The following ST8SIA5 variants were observed in gnomAD, a reference collection of about 807,000 sequenced individuals.
ST8SIA5 encodes the protein ST8 alpha-N-acetyl-neuraminide alpha-2,8-sialyltransferase 5.
ST8SIA5 carries 24 observed loss-of-function variants against 40.2 expected under a neutral mutation model. The ratio of observed to expected loss-of-function variants is 0.60; its 90% CI spans 0.43 to 0.84. The LOEUF is 0.84. Ranked by LOEUF, ST8SIA5 falls within the 40% of genes least tolerant of loss-of-function variation. The pLI is 0.00. For synonymous variants in ST8SIA5, 198 were observed against 201.8 expected (o/e 0.98, Z 0.16); for missense variants, 465 against 498.5 (o/e 0.93, Z 0.64).
chr18:46,739,555 G>C (rs1216763842), intron 1 of ST8SIA5, among the ~76,000 whole-genome samples: 2 of 152,180 alleles, frequency 1.3e-5, no homozygotes, highest in African/African-American at 4.8e-5. Flanking sequence ...ATCCTTGGCT[G>C]ACAGGGGAGA....
intron 1 of ST8SIA5, chr18:46,721,265 C>T: frequency 1.8e-6 from 2 of 1,129,782 alleles, no homozygotes; most frequent in Non-Finnish European, 2.5e-6. Flanking sequence ...ACAAGACCTG[C>T]TTCTTCCACC....
Position 46,680,021 on chromosome 18 carries a change from GGGCAGCCTGGCT to G in ST8SIA5, c.*9_*20del, listed in dbSNP as rs757280313. 1.9e-6 allele frequency: 3 copies of G among 1,583,374 alleles called. No homozygotes were observed. The highest frequency in any genetic ancestry group is 2.6e-6 in the Non-Finnish European group (3 of 1,163,248). On this transcript the variant is annotated 3_prime_UTR_variant, in exon 7 of 7. Coordinates refer to ENST00000315087, the MANE Select transcript of ST8SIA5 (RefSeq NM_013305.6). ...AGCAGGAGAGGGGGCGCCGCTTGCC[GGGCAGCCTGGCT>G]GGCAGCCATCAGCAGCAGCTGCAGG...
At chr18:46,753,528 G>A (rs1281767350) in intron 1 of ST8SIA5, among the ~76,000 whole-genome samples, 2 of 150,950 alleles carry the variant, frequency 1.3e-5, no homozygotes, top group East Asian at 1.9e-4. Flanking sequence ...AGCTGAGATC[G>A]CGCCACGGCA....
chr18:46,690,682 C>G (rs540230802), intron 3 of ST8SIA5, among the ~76,000 whole-genome samples: 108 of 143,640 alleles, frequency 7.5e-4, no homozygotes, highest in Middle Eastern at 7.3e-3. Flanking sequence ...GGCATGATCT[C>G]CACTCACTGC....
rs1001792245 is a variant in ST8SIA5, at chr18:46,670,951, G to A, written c.*9091C>T. 4.6e-5 allele frequency: 7 copies of A among 152,300 alleles called. No individual in the cohort carries two copies. The South Asian group carries it at 6.2e-4, about 14-fold the overall frequency. 9.4% of individuals were successfully genotyped at this position (152,300 alleles called of 1,614,324 possible). ...TGAATTTAAAATCAAAGCAAATGCCGTGAGATATGTGATATTAGCAAAATG... is the reference window on the plus strand; with the variant it reads ...TGAATTTAAAATCAAAGCAAATGCCATGAGATATGTGATATTAGCAAAATG... On this transcript the variant is annotated 3_prime_UTR_variant, in exon 7 of 7. Coordinates refer to ENST00000315087, the MANE Select transcript of ST8SIA5 (RefSeq NM_013305.6).
chr18:46,681,363 G>T (rs1193847240), intron 6 of ST8SIA5, among the ~76,000 whole-genome samples: 1 of 152,054 alleles, frequency 6.6e-6, no homozygotes, highest in Admixed American at 6.5e-5. Context: ...CTGCTCCCTG[G>T]GCATCTGATC....
At chr18:46,725,970 A>ATATATAT (rs58550909) in intron 1 of ST8SIA5, among the ~76,000 whole-genome samples, 26 of 31,732 alleles carry the variant, frequency 8.2e-4, no homozygotes, top group East Asian at 3.2e-3. Flanking sequence ...AAAAAAAAAA[A>ATATATAT]AAATATATAT....
chr18:46,686,521 G>A (rs1285486047), intron 4 of ST8SIA5, among the ~76,000 whole-genome samples: 2 of 152,184 alleles, frequency 1.3e-5, no homozygotes, highest in African/African-American at 2.4e-5. Flanking sequence ...AGGGCCTGCT[G>A]GGCAGCTTTC....
chr18:46,717,545 C>T (rs2144521837), intron 1 of ST8SIA5, among the ~76,000 whole-genome samples: 2 of 152,174 alleles, frequency 1.3e-5, no homozygotes, highest in Middle Eastern at 6.8e-3. Context: ...ACCCTCTCTA[C>T]TTTTTATACC....
At chr18:46,747,982 A>G (rs1439699534) in intron 1 of ST8SIA5, among the ~76,000 whole-genome samples, 1 of 152,110 alleles carries the variant, frequency 6.6e-6, no homozygotes, top group Non-Finnish European at 1.5e-5. Context: ...CAGAAAACCA[A>G]ACACTGCATG....
At chr18:46,709,655 T>G (rs2039703066) in intron 1 of ST8SIA5, among the ~76,000 whole-genome samples, 1 of 152,136 alleles carries the variant, frequency 6.6e-6, no homozygotes. Context: ...GATGCTCACA[T>G]GACAATGTTG....
rs1170518527 is a variant in ST8SIA5, at chr18:46,676,661, T to C, written c.*3381A>G. The C allele has an allele frequency of 6.6e-6, 1 of 152,218 alleles. No individual in the cohort carries two copies. Among genetic ancestry groups the C allele is most frequent in the Non-Finnish European group, 1.5e-5 (1 of 68,028 alleles). 9.4% of individuals were successfully genotyped at this position (152,218 alleles called of 1,614,324 possible). On this transcript the variant is annotated 3_prime_UTR_variant, in exon 7 of 7. Coordinates refer to ENST00000315087, the MANE Select transcript of ST8SIA5 (RefSeq NM_013305.6). ...GTGCTTGGCTAAGCACTGAGTCATT[T>C]ACTTGTTTTTGCTGCCTTTCAAGCC...
chr18:46,756,140 C>T lies in ST8SIA5; in HGVS notation c.131+238G>A, dbSNP rs149759000. ...TGGTTGCTTGGAATTCTATTCTGTC[C>T]TTCATTTTTCACAGCGGAACAAAGT... On this transcript the variant is annotated intron_variant, in intron 1 of 6. Coordinates refer to ENST00000315087, the MANE Select transcript of ST8SIA5 (RefSeq NM_013305.6). 1.8e-3 allele frequency among the ~76,000 whole-genome samples: 278 copies of T among 152,332 alleles called. 2 individuals carry two copies. The highest frequency in any genetic ancestry group is 0.017 in the Middle Eastern group (5 of 294).
chr18:46,682,030 TG>T lies in ST8SIA5; in HGVS notation c.603del (p.Met202TrpfsTer5). On this transcript the variant is annotated frameshift_variant, in exon 6 of 7. Coordinates refer to ENST00000315087, the MANE Select transcript of ST8SIA5 (RefSeq NM_013305.6). LOFTEE classifies it high-confidence loss of function. ...ACATCCGTCTTCACCCCCACATCCA[TG>T]GTGTACTTCTCTGAGATGGGGGGCA... ...CNLPPISEKY[T>X]MDVGVKTDVV... 1 of 1,612,124 alleles carries T rather than the reference TG, an allele frequency of 6.2e-7. No homozygotes were observed. The highest frequency in any genetic ancestry group is 8.5e-7 in the Non-Finnish European group (1 of 1,179,416).
chr18:46,706,539 C>T (rs1259763433), intron 1 of ST8SIA5, among the ~76,000 whole-genome samples: 4 of 152,276 alleles, frequency 2.6e-5, no homozygotes, highest in East Asian at 3.9e-4. Context: ...ATTACTTTTG[C>T]ACCTACATAA....
chr18:46,683,015 A>C (rs1439148694), intron 5 of ST8SIA5, among the ~76,000 whole-genome samples: 2 of 152,222 alleles, frequency 1.3e-5, no homozygotes, highest in African/African-American at 4.8e-5. Flanking sequence ...TGTTGTTTAA[A>C]CCACTAATTT....
intron 1 of ST8SIA5, among the ~76,000 whole-genome samples, chr18:46,727,939 C>T (rs767306166): frequency 9.7e-4 from 147 of 152,132 alleles, no homozygotes; most frequent in Non-Finnish European, 1.8e-3. Context: ...TGGTGGCTCA[C>T]GCCTGTAAGC....
intron 1 of ST8SIA5, among the ~76,000 whole-genome samples, chr18:46,714,122 G>GGAAGGATGGCC (rs1427514205): frequency 6.6e-6 from 1 of 152,132 alleles, no homozygotes; most frequent in African/African-American, 2.4e-5. Context: ...GCTCGCATGG[G>GGAAGGATGGCC]GAAGGATGGC....
At chr18:46,710,285 C>T (rs112708975) in intron 1 of ST8SIA5, among the ~76,000 whole-genome samples, 38,805 of 152,110 alleles carry the variant, frequency 0.26, 6,279 homozygotes, top group Middle Eastern at 0.4. Flanking sequence ...CAGTTCTCTC[C>T]CTGCCCAGAC....
Sources: gnomAD v4.1 joint callset for allele counts (sites outside exome capture counted in the v4.1 genomes callset) on GRCh38, gnomAD v4.1.1 for gene constraint, MANE v1.5 for transcripts, NCBI Gene and HGNC (gene_info 2026-07-23, HGNC 2026-07-21) for gene names.